Variants in PTCHD4 observed in about 807,000 individuals in gnomAD.
The protein encoded by PTCHD4 is patched domain-containing protein 4.
PTCHD4 carries 33 observed loss-of-function variants against 58.1 expected under a neutral mutation model. The observed-to-expected ratio is 0.57, with a 90% CI of 0.43 to 0.76. The LOEUF is 0.76. PTCHD4 is among the 30% of genes least tolerant of loss of function. The pLI is 0.00. For missense variants in PTCHD4, 1,058 were observed against 1,027.1 expected, an observed-to-expected ratio of 1.03 and a Z score of -0.41; for synonymous variants, 478 against 409.6, an observed-to-expected ratio of 1.17 and a Z score of -2.02.
intron 4 of PTCHD4, among the ~76,000 whole-genome samples, chr6:47,993,837 T>A (rs1336201838): frequency 6.6e-6 from 1 of 152,054 alleles, no homozygotes; most frequent in Non-Finnish European, 1.5e-5. Context: ...AATAAAAAGA[T>A]CTTAATTAAA....
intron 3 of PTCHD4, among the ~76,000 whole-genome samples, chr6:48,019,812 C>T (rs542366502): frequency 6.6e-6 from 1 of 152,002 alleles, no homozygotes. Flanking sequence ...GAGAAGGAAT[C>T]GCCTAACTTA....
intron 3 of PTCHD4, among the ~76,000 whole-genome samples, chr6:48,049,689 C>G (rs189971214): frequency 2.0e-5 from 3 of 152,068 alleles, no homozygotes; most frequent in Admixed American, 6.6e-5. Context: ...CATCATTAGG[C>G]CTTTACTGCC....
intron 4 of PTCHD4, among the ~76,000 whole-genome samples, chr6:47,899,199 G>A (rs1380840141): frequency 6.6e-6 from 1 of 152,200 alleles, no homozygotes; most frequent in Non-Finnish European, 1.5e-5. Context: ...TGCATAGTTA[G>A]ATATTTCTTA....
In PTCHD4 at chr6:48,103,540, C is replaced by T. The variant is rs147231555; in HGVS notation, c.-970+7509G>A. Among the ~76,000 whole-genome samples, 698 of 152,134 alleles carry T rather than the reference C, an allele frequency of 4.6e-3. 5 individuals are homozygous for T. Among genetic ancestry groups the T allele is most frequent in the African/African-American group, 0.015 (630 of 41,496 alleles). On this transcript the variant is annotated intron_variant, in intron 1 of 4. Coordinates refer to ENST00000339488, the MANE Select transcript of PTCHD4 (RefSeq NM_001384253.1). ...AAACCAGAAACTCTAAAAATCAGAG[C>T]GCCTCTCCTCCTCCAAAGGAACGCA...
chr6:47,947,282 A>G (rs1038881415), intron 4 of PTCHD4, among the ~76,000 whole-genome samples: 1 of 152,150 alleles, frequency 6.6e-6, no homozygotes, highest in African/African-American at 2.4e-5. Flanking sequence ...ATATATACTA[A>G]CTTTGCCCAA....
intron 1 of PTCHD4, among the ~76,000 whole-genome samples, chr6:48,079,016 G>T (rs887620331): frequency 6.6e-6 from 1 of 151,778 alleles, no homozygotes; most frequent in African/African-American, 2.4e-5. Context: ...CTACTGGGAG[G>T]CTGAGGCAGG....
intron 3 of PTCHD4, among the ~76,000 whole-genome samples, chr6:48,016,898 G>C (rs1397460437): frequency 6.6e-6 from 1 of 151,804 alleles, no homozygotes; most frequent in Non-Finnish European, 1.5e-5. Flanking sequence ...CTATGTACTA[G>C]GTTGGCATTC....
At chr6:48,062,498 G>C (rs1356730914) in intron 3 of PTCHD4, among the ~76,000 whole-genome samples, 1 of 151,772 alleles carries the variant, frequency 6.6e-6, no homozygotes, top group Non-Finnish European at 1.5e-5. Flanking sequence ...CCTTGACTTA[G>C]GAAAATAAAA....
intron 3 of PTCHD4, among the ~76,000 whole-genome samples, chr6:48,020,210 T>C (rs1278099646): frequency 6.6e-6 from 1 of 152,116 alleles, no homozygotes; most frequent in Non-Finnish European, 1.5e-5. Context: ...TGATTTTTTT[T>C]CCTTCCTTAC....
chr6:48,091,728 T>C (rs1191817914), intron 1 of PTCHD4, among the ~76,000 whole-genome samples: 3 of 144,970 alleles, frequency 2.1e-5, no homozygotes, highest in Non-Finnish European at 4.5e-5. Flanking sequence ...CTCACTGCAA[T>C]CTCCACTCCT....
At chr6:47,891,385 A>G (rs1306877803) in intron 4 of PTCHD4, among the ~76,000 whole-genome samples, 3 of 152,202 alleles carry the variant, frequency 2.0e-5, no homozygotes, top group South Asian at 4.2e-4. Context: ...GCATCAGACA[A>G]GGCCATTCTG....
At chr6:48,086,813 T>G (rs1002853722) in intron 1 of PTCHD4, among the ~76,000 whole-genome samples, 1 of 152,186 alleles carries the variant, frequency 6.6e-6, no homozygotes, top group Non-Finnish European at 1.5e-5. Flanking sequence ...AATTCCACCT[T>G]GAGGCTCTAT....
chr6:47,997,412 C>G (rs1768537104), intron 4 of PTCHD4, among the ~76,000 whole-genome samples: 1 of 152,080 alleles, frequency 6.6e-6, no homozygotes, highest in Non-Finnish European at 1.5e-5. Flanking sequence ...TTAATAAATA[C>G]TCTTTACTAA....
intron 1 of PTCHD4, among the ~76,000 whole-genome samples, chr6:48,073,389 C>T (rs908503523): frequency 2.6e-5 from 4 of 152,140 alleles, no homozygotes; most frequent in African/African-American, 9.7e-5. Context: ...AAATAAGACA[C>T]CTAATTATTT....
intron 3 of PTCHD4, among the ~76,000 whole-genome samples, chr6:48,029,357 CATG>C (rs1474983367): frequency 6.6e-6 from 1 of 151,930 alleles, no homozygotes; most frequent in Admixed American, 6.6e-5. Context: ...ACATTGAGAC[CATG>C]CTACTGAAGT....
Position 47,869,950 on chromosome 6 carries a change from A to C in PTCHD4, c.*8353T>G, listed in dbSNP as rs1763671589. On this transcript the variant is annotated 3_prime_UTR_variant, in exon 5 of 5. Coordinates refer to ENST00000339488, the MANE Select transcript of PTCHD4 (RefSeq NM_001384253.1). ...CATTTAATACTAACAATAAAGAATG[A>C]AGAAAAATCTGGCGAATTTAAGAAT... Among the ~76,000 whole-genome samples the C allele has an allele frequency of 6.6e-6, 1 of 151,642 alleles. No homozygotes were observed. The highest frequency in any genetic ancestry group is 1.5e-5 in the Non-Finnish European group (1 of 67,700).
At chr6:47,927,131 C>T (rs1765650559) in intron 4 of PTCHD4, among the ~76,000 whole-genome samples, 1 of 152,160 alleles carries the variant, frequency 6.6e-6, no homozygotes, top group South Asian at 2.1e-4. Flanking sequence ...TCAGGACTAA[C>T]CAAAAGAGTC....
chr6:47,974,595 T>C (rs1767626396), intron 4 of PTCHD4, among the ~76,000 whole-genome samples: 1 of 152,190 alleles, frequency 6.6e-6, no homozygotes. Context: ...GTAGAATTCC[T>C]CCTGTCCCAA....
At chr6:47,936,444 A>G (rs1220063741) in intron 4 of PTCHD4, among the ~76,000 whole-genome samples, 3 of 152,224 alleles carry the variant, frequency 2.0e-5, no homozygotes, top group African/African-American at 7.2e-5. Context: ...TTCCTCAAAC[A>G]TAATTTCGAA....
Sources: allele counts gnomAD v4.1 joint callset (sites outside exome capture counted in the v4.1 genomes callset), GRCh38; gene constraint gnomAD v4.1.1; transcripts MANE v1.5; gene names NCBI Gene and HGNC (gene_info 2026-07-23, HGNC 2026-07-21).